STRN4: variants seen among roughly 807,000 people sequenced by gnomAD.
STRN4 encodes striatin-4.
STRN4 carries 27 observed loss-of-function variants against 77.9 expected under a neutral mutation model. The ratio of observed to expected loss-of-function variants is 0.35; its 90% CI spans 0.26 to 0.48. The LOEUF (loss-of-function observed/expected upper bound fraction) is 0.48, where lower values mean the gene tolerates loss of function less well. Among genes scored for constraint, STRN4 ranks in the 20% least tolerant of loss-of-function variants. The pLI is 0.99. For missense variants in STRN4, 798 were observed against 1,049.7 expected (o/e 0.76, Z 3.31); for synonymous variants, 466 against 443.1 (o/e 1.05, Z -0.65).
chr19:46,740,559 A>C (rs1409933618), intron 1 of STRN4, among the ~76,000 whole-genome samples: 1 of 151,974 alleles, frequency 6.6e-6, no homozygotes, highest in Non-Finnish European at 1.5e-5. Flanking sequence ...CACCGAAGAC[A>C]AGTCCTGACT....
Position 46,727,556 on chromosome 19 carries a change from A to T in STRN4, c.1154-10T>A. The T allele has an allele frequency of 6.2e-7, 1 of 1,613,668 alleles. No individual in the cohort carries two copies. The highest frequency in any genetic ancestry group is 8.5e-7 in the Non-Finnish European group (1 of 1,179,722). On this transcript the variant is annotated splice_polypyrimidine_tract_variant and intron_variant, in intron 8 of 17. Coordinates refer to ENST00000263280, the MANE Select transcript of STRN4 (RefSeq NM_013403.3). ...TCCATGATGAAGACGTCTGAGGAGA[A>T]GCCAAAGGAACCTGGTAGGGGGAGG...
At chr19:46,722,168 C>G (rs1476752217) in intron 15 of STRN4, 74 bp downstream of exon 15, 7 of 1,595,130 alleles carry the variant, frequency 4.4e-6, no homozygotes, top group Non-Finnish European at 5.1e-6. Flanking sequence ...GAGCCTCCCA[C>G]AGGGACGCAA....
chr19:46,730,676 G>A, intron 6 of STRN4, 56 bp downstream of exon 6: 2 of 1,594,404 alleles, frequency 1.3e-6, no homozygotes, highest in Non-Finnish European at 1.7e-6. Context: ...ACTCGGAAGG[G>A]CTTCGATCAG....
intron 11 of STRN4, 116 bp from the exon 12 acceptor site, chr19:46,725,044 C>A: frequency 6.8e-7 from 1 of 1,473,262 alleles, no homozygotes; most frequent in Non-Finnish European, 9.2e-7. Context: ...AATTCAGTGA[C>A]TGGGGCTCTG....
chr19:46,724,763 G>A lies in STRN4; in HGVS notation c.1594+44C>T, dbSNP rs1448433661. On this transcript the variant is annotated intron_variant, in intron 12 of 17. Transcript: ENST00000263280. ...TGTGTGTGCGTGGAGGGGACGGCCA[G>A]GCCCCAGTGGATGTGAGGGGAAGGC... 8 of 1,613,304 alleles carry A rather than the reference G, an allele frequency of 5.0e-6. No individual in the cohort carries two copies. In the South Asian group the frequency reaches 7.7e-5, roughly 16 times the overall value.
chr19:46,736,741 A>C (rs574057364), intron 4 of STRN4, 82 bp downstream of exon 4: 10 of 1,397,232 alleles, frequency 7.2e-6, no homozygotes, highest in Admixed American at 3.6e-5. Flanking sequence ...GTGGGGACGG[A>C]AAAGGACTGT....
rs377009174 is a variant in STRN4, at chr19:46,727,976, C to G, written c.1071G>C (p.Leu357=). The part of the protein sequence containing the change: ...ESRRVKLQGI[L]ADLRDVDGLP... ...GCCCATCCACATCCCGCAGGTCAGCCAGAATGCCTTGGAGTTTGACCCGAC... is the reference window on the plus strand; with the variant it reads ...GCCCATCCACATCCCGCAGGTCAGCGAGAATGCCTTGGAGTTTGACCCGAC... Residue 357 remains leucine (L), a synonymous_variant, in exon 8 of 18, where the codon CTG becomes CTC. Transcript: ENST00000263280. 2.1e-5 allele frequency: 34 copies of G among 1,613,930 alleles called. No homozygotes were observed. In the African/African-American group the frequency reaches 4.1e-4, roughly 20 times the overall value.
chr19:46,732,202 A>G (rs2054270025), intron 5 of STRN4: 1 of 152,614 alleles, frequency 6.6e-6, no homozygotes, highest in Admixed American at 6.5e-5. Flanking sequence ...TGTCCCAGAC[A>G]TCGAGCCATC....
intron 1 of STRN4, chr19:46,739,175 C>T (rs912138580): frequency 4.7e-6 from 2 of 425,692 alleles, no homozygotes; most frequent in African/African-American, 2.0e-5. Context: ...CTGGTGGCTG[C>T]CTTTGGGGGG....
At chr19:46,724,681 G>A (rs1599862190) in intron 12 of STRN4, 126 bp downstream of exon 12, 9 of 1,410,912 alleles carry the variant, frequency 6.4e-6, no homozygotes, top group East Asian at 4.7e-5. Flanking sequence ...GAGCAGACAG[G>A]GGAGCCGTCA....
chr19:46,723,668 C>T lies in STRN4; in HGVS notation c.1595-384G>A, dbSNP rs2054035203. On this transcript the variant is annotated intron_variant, in intron 12 of 17. Coordinates refer to ENST00000263280, the MANE Select transcript of STRN4 (RefSeq NM_013403.3). The surrounding 1 kb of genome is among the most constrained non-coding windows in gnomAD (Gnocchi z 5.5). ...TGCTGGACAAGGGTTGGTCCCAACC[C>T]TGGCCCGAGCAGTCTTTTCAGCCCA... Among the ~76,000 whole-genome samples the T allele has an allele frequency of 1.3e-5, 2 of 152,220 alleles. No individual in the cohort carries two copies. Among genetic ancestry groups the T allele is most frequent in the Admixed American group, 1.3e-4 (2 of 15,286 alleles).
intron 4 of STRN4, chr19:46,736,463 G>A (rs1241941802): frequency 5.0e-6 from 1 of 198,622 alleles, no homozygotes; most frequent in Non-Finnish European, 9.3e-6. Context: ...ATTACCCTTG[G>A]GAAATAAAAA....
At chr19:46,734,838 G>GT (rs1218450318) in intron 4 of STRN4, among the ~76,000 whole-genome samples, 1 of 151,992 alleles carries the variant, frequency 6.6e-6, no homozygotes, top group Non-Finnish European at 1.5e-5. Flanking sequence ...CTAATTTTTT[G>GT]TATTTTTAGT....
Position 46,746,234 on chromosome 19 carries a change from G to A in STRN4, c.197C>T (p.Pro66Leu). 1 of 1,522,276 alleles carries A rather than the reference G, an allele frequency of 6.6e-7. No homozygotes were observed. Among genetic ancestry groups the A allele is most frequent in the Non-Finnish European group, 8.7e-7 (1 of 1,143,770 alleles). The allele number at this position is 1,522,276 out of a possible 1,614,324, so 94.3% of individuals were successfully genotyped here. A position where few individuals can be genotyped will look rare whatever the true frequency, so the allele number is the denominator to read the frequency against. Residue 66 changes from proline (P) to leucine (L), a missense_variant, in exon 1 of 18, where the codon CCG (proline) becomes CTG (leucine). Coordinates refer to ENST00000263280, the MANE Select transcript of STRN4 (RefSeq NM_013403.3). The stretch of plus-strand genomic sequence containing the variant: ...GTGCTGGATAAAGTGCAGGATCCCC[G>A]GCAGGCTCAGGGGCTCCGGGCCCGC... ...PTAGPEPLSL[P>L]GILHFIQHEW... is the part of the protein sequence containing the mutation.
In STRN4 at chr19:46,741,460, G is replaced by A. The variant is rs999286842; in HGVS notation, c.283-2572C>T. Among the ~76,000 whole-genome samples the A allele has an allele frequency of 5.3e-5, 8 of 152,208 alleles. No homozygotes were observed. The highest frequency in any genetic ancestry group is 1.9e-4 in the East Asian group (1 of 5,198). On this transcript the variant is annotated intron_variant, in intron 1 of 17. Transcript: ENST00000263280. This position sits in a 1 kb window ranked among gnomAD's most constrained non-coding sequence, Gnocchi z 4.9. ...AGAGAACCAGAAAGACATGGTTGGAGCATCTCAGGGAGGTGGAAACCCACC... is the reference window on the plus strand; with the variant it reads ...AGAGAACCAGAAAGACATGGTTGGAACATCTCAGGGAGGTGGAAACCCACC...
Position 46,728,607 on chromosome 19 carries a change from C to T in STRN4, c.1039+11G>A, listed in dbSNP as rs775711040. 8.1e-6 allele frequency: 13 copies of T among 1,609,348 alleles called. No homozygotes were observed. Among genetic ancestry groups the T allele is most frequent in the Non-Finnish European group, 1.0e-5 (12 of 1,177,490 alleles). On this transcript the variant is annotated intron_variant, in intron 7 of 17. Transcript: ENST00000263280. ...AGGCAAGCGGGGGCTGGCCAGAAAA[C>T]GTCAGCTCACCCAGCTCATGGGGGC...
intron 8 of STRN4, 95 bp from the exon 9 acceptor site, chr19:46,727,641 G>A (rs1401777626): frequency 2.8e-6 from 3 of 1,054,890 alleles, no homozygotes; most frequent in African/African-American, 3.2e-5. Flanking sequence ...CAGAGAAAGA[G>A]ATAAAGAGCA....
chr19:46,741,236 C>T lies in STRN4; in HGVS notation c.283-2348G>A, dbSNP rs189708013. On this transcript the variant is annotated intron_variant, in intron 1 of 17. Coordinates refer to ENST00000263280, the MANE Select transcript of STRN4 (RefSeq NM_013403.3). The surrounding 1 kb of genome is among the most constrained non-coding windows in gnomAD (Gnocchi z 4.9). ...AGAACGGTAGTGGCTTGGACTAGGCCGGGGCAGTGGACACAGTAGTGGTCT... is the reference window on the plus strand; with the variant it reads ...AGAACGGTAGTGGCTTGGACTAGGCTGGGGCAGTGGACACAGTAGTGGTCT... Among the ~76,000 whole-genome samples, 472 of 152,148 alleles carry T rather than the reference C, an allele frequency of 3.1e-3. 1 individual carries two copies. Among genetic ancestry groups the T allele is most frequent in the African/African-American group, 0.01 (421 of 41,508 alleles).
intron 6 of STRN4, among the ~76,000 whole-genome samples, chr19:46,729,445 G>A (rs747594256): frequency 1.3e-5 from 2 of 152,150 alleles, no homozygotes; most frequent in Non-Finnish European, 2.9e-5. Flanking sequence ...TGAGTTTGGC[G>A]ACACCTCTCG....
Sources: allele counts gnomAD v4.1 joint callset (sites outside exome capture counted in the v4.1 genomes callset), GRCh38; gene constraint gnomAD v4.1.1; non-coding constraint Gnocchi (gnomAD v3.1); transcripts MANE v1.5; gene names NCBI Gene and HGNC (gene_info 2026-07-23, HGNC 2026-07-21).